TEK: variants seen among roughly 807,000 people sequenced by gnomAD.
TEK encodes TEK receptor tyrosine kinase, also known as angiopoietin-1 receptor.
In TEK, 43 loss-of-function variants were observed where a neutral mutation model predicts 131.8. The ratio of observed to expected loss-of-function variants is 0.33; its 90% CI spans 0.26 to 0.42. TEK has a LOEUF of 0.42. Ranked by LOEUF, TEK falls within the 10% of genes least tolerant of loss-of-function variation. The probability of loss-of-function intolerance (pLI) is 1.00; values close to 1 mark genes in which losing one functional copy is unlikely to be tolerated. For synonymous variants in TEK, 580 were observed against 491.6 expected, an observed-to-expected ratio of 1.18 and a Z score of -2.38; for missense variants, 1,162 against 1,384.4, an observed-to-expected ratio of 0.84 and a Z score of 2.55.
At chr9:27,149,644 C>T (rs1382696660) in intron 1 of TEK, among the ~76,000 whole-genome samples, 1 of 152,148 alleles carries the variant, frequency 6.6e-6, no homozygotes, top group East Asian at 1.9e-4. Flanking sequence ...TGCTTATTCT[C>T]CTCTTTGTGC....
chr9:27,214,981 A>T (rs1457801876), intron 18 of TEK, among the ~76,000 whole-genome samples: 1 of 151,474 alleles, frequency 6.6e-6, no homozygotes, highest in African/African-American at 2.4e-5. Context: ...AGCTTTCCCA[A>T]CTCCTCCCTC....
intron 16 of TEK, among the ~76,000 whole-genome samples, chr9:27,210,019 C>T (rs567932107): frequency 6.6e-6 from 1 of 152,180 alleles, no homozygotes; most frequent in Non-Finnish European, 1.5e-5. Context: ...ACTTGACAGC[C>T]TCTTGTTGAC....
chr9:27,171,138 A>G (rs1823940941), intron 4 of TEK, among the ~76,000 whole-genome samples: 2 of 152,210 alleles, frequency 1.3e-5, no homozygotes, highest in African/African-American at 2.4e-5. Context: ...CATTATAACT[A>G]TTGAAGTGGG....
intron 18 of TEK, among the ~76,000 whole-genome samples, chr9:27,216,730 G>C (rs1825831535): frequency 6.6e-6 from 1 of 152,164 alleles, no homozygotes; most frequent in Non-Finnish European, 1.5e-5. Flanking sequence ...GGGATCTAGG[G>C]CAGGGCTGGT....
chr9:27,111,123 A>G (rs1821326101), intron 1 of TEK, among the ~76,000 whole-genome samples: 1 of 152,208 alleles, frequency 6.6e-6, no homozygotes, highest in African/African-American at 2.4e-5. Flanking sequence ...GCTTAGAAGA[A>G]TTGTCATAAA....
At chr9:27,188,710 G>T (rs1042466536) in intron 9 of TEK, among the ~76,000 whole-genome samples, 2 of 152,128 alleles carry the variant, frequency 1.3e-5, no homozygotes, top group African/African-American at 4.8e-5. Context: ...TTAGTCAATA[G>T]AATTTACTTT....
chr9:27,112,931 A>C (rs1413548152), intron 1 of TEK, among the ~76,000 whole-genome samples: 1 of 152,266 alleles, frequency 6.6e-6, no homozygotes, highest in Non-Finnish European at 1.5e-5. Flanking sequence ...CACAAAAGTC[A>C]TGGAAGACAA....
At chr9:27,154,145 C>G (rs541056924) in intron 1 of TEK, among the ~76,000 whole-genome samples, 4 of 152,102 alleles carry the variant, frequency 2.6e-5, no homozygotes, top group African/African-American at 9.6e-5. Context: ...TTCTCTCTCT[C>G]TTTCTGTCTC....
intron 1 of TEK, among the ~76,000 whole-genome samples, chr9:27,120,409 G>A (rs192756846): frequency 2.4e-4 from 37 of 152,348 alleles, no homozygotes; most frequent in African/African-American, 8.4e-4. Flanking sequence ...TAACCTCCTC[G>A]CATGGATTAG....
At chr9:27,194,512 C>T (rs1824938876) in intron 11 of TEK, among the ~76,000 whole-genome samples, 1 of 152,178 alleles carries the variant, frequency 6.6e-6, no homozygotes, top group Admixed American at 6.6e-5. Flanking sequence ...AACCATGACC[C>T]AAGGGATCCC....
chr9:27,178,295 G>T (rs1414407063), intron 6 of TEK, among the ~76,000 whole-genome samples: 2 of 151,898 alleles, frequency 1.3e-5, no homozygotes, highest in Non-Finnish European at 2.9e-5. Flanking sequence ...TTTCTGGGCT[G>T]TCAATTCTGT....
At chr9:27,153,923 A>AC (rs1823227912) in intron 1 of TEK, among the ~76,000 whole-genome samples, 1 of 152,096 alleles carries the variant, frequency 6.6e-6, no homozygotes, top group Admixed American at 6.5e-5. Flanking sequence ...CTGTTTGGCT[A>AC]CTTTTTTTTT....
chr9:27,146,121 C>G (rs567087779), intron 1 of TEK, among the ~76,000 whole-genome samples: 2 of 152,078 alleles, frequency 1.3e-5, no homozygotes, highest in African/African-American at 4.8e-5. Context: ...CTTATAATAC[C>G]CTATTACATG....
At chr9:27,197,826 G>A (rs1825083790) in intron 12 of TEK, among the ~76,000 whole-genome samples, 1 of 152,080 alleles carries the variant, frequency 6.6e-6, no homozygotes, top group Non-Finnish European at 1.5e-5. Flanking sequence ...ACCTTCCCTT[G>A]GTGTGCAGTT....
intron 8 of TEK, 89 bp downstream of exon 8, chr9:27,183,699 C>G: frequency 1.3e-6 from 2 of 1,504,716 alleles, no homozygotes; most frequent in Admixed American, 1.7e-5. Flanking sequence ...CCATTCAGTG[C>G]TTTTATCCTC....
intron 1 of TEK, among the ~76,000 whole-genome samples, chr9:27,136,115 T>C (rs1168153928): frequency 7.0e-6 from 1 of 142,322 alleles, no homozygotes; most frequent in Non-Finnish European, 1.5e-5. Flanking sequence ...GGAGTCTCGC[T>C]CTGTCACTCA....
intron 2 of TEK, among the ~76,000 whole-genome samples, chr9:27,164,930 C>T (rs1441544421): frequency 1.3e-5 from 2 of 152,168 alleles, no homozygotes; most frequent in Non-Finnish European, 2.9e-5. Flanking sequence ...CTAGTCAAGT[C>T]ACATAACATC....
At chr9:27,219,424 G>A (rs763523689) in intron 20 of TEK, among the ~76,000 whole-genome samples, 15 of 152,124 alleles carry the variant, frequency 9.9e-5, no homozygotes, top group Non-Finnish European at 1.9e-4. Context: ...ACTCATAAGT[G>A]GGGGTTGAAC....
At position 27,185,454 on chromosome 9, in the gene TEK, G is replaced by A. The variant is rs1452494858; in HGVS notation, c.1183-31G>A. The A allele has an allele frequency of 2.5e-6, 4 of 1,613,176 alleles. No individual in the cohort carries two copies. The African/African-American group carries it at 5.3e-5, about 22-fold the overall frequency. ...CCTTTGCGTTTATGCCTCCCTAGAA[G>A]TTTTTATTTTTTTGTATTTGACCTT... On this transcript the variant is annotated intron_variant, in intron 8 of 22. Transcript: ENST00000380036.
Sources: gnomAD v4.1 joint callset for allele counts (sites outside exome capture counted in the v4.1 genomes callset) on GRCh38, gnomAD v4.1.1 for gene constraint, MANE v1.5 for transcripts, NCBI Gene and HGNC (gene_info 2026-07-23, HGNC 2026-07-21) for gene names.